ROBO1: variants seen among roughly 807,000 people sequenced by gnomAD.
ROBO1 encodes roundabout guidance receptor 1, also known as roundabout homolog 1.
Under a neutral mutation model 195.9 loss-of-function variants are expected in ROBO1, and 149 were observed. The ratio of observed to expected loss-of-function variants is 0.76; its 90% CI spans 0.67 to 0.87. ROBO1 has a LOEUF of 0.87. Ranked by LOEUF, ROBO1 falls within the 40% of genes least tolerant of loss-of-function variation. The pLI, the probability that ROBO1 is intolerant of heterozygous loss-of-function variation, is 0.00. For synonymous variants in ROBO1, 816 were observed against 733.2 expected (o/e 1.11, Z -1.82); for missense variants, 1,933 against 2,068.3 (o/e 0.93, Z 1.27).
intron 1 of ROBO1, among the ~76,000 whole-genome samples, chr3:79,760,497 C>CA (rs71631676): frequency 0.044 from 5,023 of 114,750 alleles, 164 homozygotes; most frequent in African/African-American, 0.094. Context: ...AATGCAATAC[C>CA]AAAAAAAAAA....
chr3:79,475,287 G>A (rs554932084), intron 2 of ROBO1, among the ~76,000 whole-genome samples: 80 of 151,974 alleles, frequency 5.3e-4, no homozygotes, highest in African/African-American at 1.7e-3. Context: ...GAACTATTAC[G>A]TACTTTATCT....
At chr3:78,830,648 C>G (rs1046039626) in intron 4 of ROBO1, among the ~76,000 whole-genome samples, 1 of 152,098 alleles carries the variant, frequency 6.6e-6, no homozygotes, top group East Asian at 1.9e-4. Context: ...TTGGGGAAAC[C>G]GTTTCCATAA....
intron 2 of ROBO1, among the ~76,000 whole-genome samples, chr3:79,161,654 C>A (rs1426629717): frequency 1.3e-5 from 2 of 152,046 alleles, no homozygotes; most frequent in Non-Finnish European, 1.5e-5. Flanking sequence ...ACTTTGTATA[C>A]CTGTTAAAAT....
intron 3 of ROBO1, among the ~76,000 whole-genome samples, chr3:79,107,839 C>T (rs1424491138): frequency 6.6e-6 from 1 of 151,574 alleles, no homozygotes; most frequent in African/African-American, 2.4e-5. Flanking sequence ...ACTTGGAACA[C>T]TGAAATAAAG....
intron 22 of ROBO1, among the ~76,000 whole-genome samples, chr3:78,638,687 T>C (rs889764511): frequency 2.0e-5 from 3 of 151,626 alleles, no homozygotes; most frequent in Non-Finnish European, 2.9e-5. Context: ...CTGAGCAACA[T>C]AGCAAGACCT....
At chr3:79,387,608 G>A (rs2036799380) in intron 2 of ROBO1, among the ~76,000 whole-genome samples, 1 of 151,794 alleles carries the variant, frequency 6.6e-6, no homozygotes, top group African/African-American at 2.4e-5. Flanking sequence ...GGTTACTTTT[G>A]TATATCTATT....
At chr3:79,217,848 C>T (rs563583518) in intron 2 of ROBO1, among the ~76,000 whole-genome samples, 143 of 151,810 alleles carry the variant, frequency 9.4e-4, no homozygotes, top group African/African-American at 3.3e-3. Flanking sequence ...ATTAAACAAT[C>T]ATATTTGATA....
chr3:78,785,260 A>C (rs1201335369), intron 4 of ROBO1, among the ~76,000 whole-genome samples: 1 of 152,178 alleles, frequency 6.6e-6, no homozygotes, highest in Non-Finnish European at 1.5e-5. Context: ...TAAAACAATT[A>C]GAACACTCTT....
At chr3:79,268,223 T>C (rs901231024) in intron 2 of ROBO1, among the ~76,000 whole-genome samples, 1 of 151,686 alleles carries the variant, frequency 6.6e-6, no homozygotes, top group Non-Finnish European at 1.5e-5. Context: ...ATGCTTACCA[T>C]GCTTCTGTTA....
At chr3:79,505,652 T>C (rs973272077) in intron 2 of ROBO1, among the ~76,000 whole-genome samples, 6 of 152,102 alleles carry the variant, frequency 3.9e-5, no homozygotes, top group Admixed American at 6.6e-5. Context: ...GGCTTGACAG[T>C]CTCTCCACTA....
intron 1 of ROBO1, among the ~76,000 whole-genome samples, chr3:79,679,518 A>G (rs569454773): frequency 1.3e-5 from 2 of 152,052 alleles, no homozygotes; most frequent in Non-Finnish European, 2.9e-5. Context: ...AGATATGTGT[A>G]TATGTTTAAG....
chr3:79,154,677 A>C (rs2080828593), intron 2 of ROBO1, among the ~76,000 whole-genome samples: 1 of 151,762 alleles, frequency 6.6e-6, no homozygotes, highest in African/African-American at 2.4e-5. Flanking sequence ...TTTCCTAAGC[A>C]ACTGGTATTC....
intron 3 of ROBO1, among the ~76,000 whole-genome samples, chr3:79,006,976 A>G (rs1424354031): frequency 6.6e-6 from 1 of 152,176 alleles, no homozygotes; most frequent in Non-Finnish European, 1.5e-5. Context: ...GAAGAAAATT[A>G]AAAGTTATTT....
chr3:79,289,553 C>A (rs2032105326), intron 2 of ROBO1, among the ~76,000 whole-genome samples: 1 of 152,162 alleles, frequency 6.6e-6, no homozygotes, highest in Non-Finnish European at 1.5e-5. Flanking sequence ...AGTTGTAGCT[C>A]CTTCCACCTA....
At chr3:79,420,445 A>C (rs1389398529) in intron 2 of ROBO1, among the ~76,000 whole-genome samples, 1 of 152,102 alleles carries the variant, frequency 6.6e-6, no homozygotes, top group Non-Finnish European at 1.5e-5. Flanking sequence ...TTTGAATTTC[A>C]TCAGCGTTAT....
At chr3:79,566,556 A>T (rs1485840044) in intron 2 of ROBO1, among the ~76,000 whole-genome samples, 1 of 152,156 alleles carries the variant, frequency 6.6e-6, no homozygotes, top group Non-Finnish European at 1.5e-5. Flanking sequence ...AAGTGTTTAG[A>T]TGGCACAAAA....
chr3:78,849,675 G>A (rs1325833678), intron 4 of ROBO1, among the ~76,000 whole-genome samples: 2 of 152,016 alleles, frequency 1.3e-5, no homozygotes, highest in Non-Finnish European at 2.9e-5. Flanking sequence ...TACATAAGAT[G>A]TAAGAGTAAA....
intron 1 of ROBO1, among the ~76,000 whole-genome samples, chr3:79,711,933 G>GAACGGGGGC (rs1702293680): frequency 1.4e-5 from 2 of 142,508 alleles, no homozygotes; most frequent in African/African-American, 5.1e-5. Context: ...GCGGGTGGGT[G>GAACGGGGGC]GGGGAGCACT....
chr3:79,376,489 T>C (rs1380920474), intron 2 of ROBO1, among the ~76,000 whole-genome samples: 1 of 152,224 alleles, frequency 6.6e-6, no homozygotes, highest in Admixed American at 6.5e-5. Flanking sequence ...AATTCCCATG[T>C]GTTGTGGGAG....
Sources: allele counts gnomAD v4.1 joint callset (sites outside exome capture counted in the v4.1 genomes callset), GRCh38; gene constraint gnomAD v4.1.1; transcripts MANE v1.5; gene names NCBI Gene and HGNC (gene_info 2026-07-23, HGNC 2026-07-21).